The following CDH1 variants were observed in gnomAD, a reference collection of about 807,000 sequenced individuals.
The protein encoded by CDH1 is cadherin 1.
CDH1 carries 35 observed loss-of-function variants against 84.5 expected under a neutral mutation model. The observed-to-expected ratio is 0.41, with a 90% CI of 0.32 to 0.55. The LOEUF is 0.55. CDH1 is among the 20% of genes least tolerant of loss of function. The pLI is 0.19. For synonymous variants in CDH1, 417 were observed against 439.0 expected (o/e 0.95, Z 0.63); for missense variants, 994 against 1,126.6 (o/e 0.88, Z 1.68).
At chr16:68,742,170 A>G (rs1204141755) in intron 2 of CDH1, among the ~76,000 whole-genome samples, 2 of 152,178 alleles carry the variant, frequency 1.3e-5, no homozygotes, top group Admixed American at 6.5e-5. Flanking sequence ...TTGCTCTGCA[A>G]TCTGGCCTTG....
intron 3 of CDH1, among the ~76,000 whole-genome samples, chr16:68,803,385 CTT>C (rs1311954008): frequency 6.6e-6 from 1 of 152,122 alleles, no homozygotes; most frequent in Non-Finnish European, 1.5e-5. Flanking sequence ...GTGGAAGCCT[CTT>C]ATGATCCAGA....
intron 3 of CDH1, among the ~76,000 whole-genome samples, chr16:68,804,165 G>A (rs1413029795): frequency 1.6e-5 from 2 of 124,650 alleles, no homozygotes; most frequent in African/African-American, 5.9e-5. Context: ...CCAGGCTGGA[G>A]TGCAGTGGCG....
chr16:68,763,078 T>TA (rs1258481694), intron 2 of CDH1, among the ~76,000 whole-genome samples: 2 of 152,140 alleles, frequency 1.3e-5, no homozygotes, highest in South Asian at 4.1e-4. Context: ...TTGTAAAAAG[T>TA]AGCTTAATTT....
At chr16:68,758,644 C>T (rs1435039248) in intron 2 of CDH1, among the ~76,000 whole-genome samples, 1 of 130,838 alleles carries the variant, frequency 7.6e-6, no homozygotes, top group African/African-American at 3.0e-5. Flanking sequence ...CTGCTTTAGA[C>T]TTGTGTCAAG....
At chr16:68,798,030 GATTGCACC>G (rs1960409327) in intron 2 of CDH1, among the ~76,000 whole-genome samples, 1 of 151,814 alleles carries the variant, frequency 6.6e-6, no homozygotes, top group African/African-American at 2.4e-5. Context: ...AGTGAGCCCA[GATTGCACC>G]ATTGCACTCC....
At chr16:68,756,103 AT>A (rs1293594573) in intron 2 of CDH1, among the ~76,000 whole-genome samples, 2 of 147,252 alleles carry the variant, frequency 1.4e-5, no homozygotes, top group Non-Finnish European at 3.0e-5. Context: ...GAGGGATGAT[AT>A]TTTCTAAACA....
intron 2 of CDH1, among the ~76,000 whole-genome samples, chr16:68,768,163 C>T (rs1246135525): frequency 6.6e-6 from 1 of 152,128 alleles, no homozygotes; most frequent in Non-Finnish European, 1.5e-5. Context: ...TCAGGCTGGT[C>T]TCGAAGTCCT....
intron 15 of CDH1, among the ~76,000 whole-genome samples, 156 bp downstream of exon 15, chr16:68,829,953 C>CTTTT (rs67262350): frequency 2.9e-5 from 3 of 102,246 alleles, no homozygotes; most frequent in African/African-American, 1.0e-4. Flanking sequence ...CTTTTTTTTT[C>CTTTT]TTTTTCTTTT....
intron 2 of CDH1, among the ~76,000 whole-genome samples, chr16:68,743,927 G>C (rs1962657125): frequency 6.6e-6 from 1 of 152,198 alleles, no homozygotes; most frequent in Non-Finnish European, 1.5e-5. Context: ...CATTCATTTA[G>C]TTCACAAAAG....
intron 14 of CDH1, among the ~76,000 whole-genome samples, chr16:68,828,509 T>A (rs1961390997): frequency 6.6e-6 from 1 of 152,212 alleles, no homozygotes; most frequent in South Asian, 2.1e-4. Context: ...GATCGCATAC[T>A]GTTCTGCACC....
chr16:68,751,055 G>C (rs1278019498), intron 2 of CDH1, among the ~76,000 whole-genome samples: 1 of 152,076 alleles, frequency 6.6e-6, no homozygotes, highest in Non-Finnish European at 1.5e-5. Context: ...TGTCGCAGCA[G>C]CTTCCTTCCT....
intron 1 of CDH1, 138 bp from the exon 2 acceptor site, chr16:68,738,159 G>C (rs985695509): frequency 3.2e-6 from 2 of 619,320 alleles, no homozygotes; most frequent in East Asian, 6.2e-5. Flanking sequence ...GTCGCTGCCC[G>C]CCCGTCCCGG....
intron 2 of CDH1, among the ~76,000 whole-genome samples, chr16:68,751,005 T>C (rs1350217477): frequency 6.6e-6 from 1 of 152,158 alleles, no homozygotes; most frequent in East Asian, 1.9e-4. Context: ...GCTGTTTCTC[T>C]ATTCCCAAAA....
chr16:68,788,770 G>A (rs1160993722), intron 2 of CDH1, among the ~76,000 whole-genome samples: 4 of 152,046 alleles, frequency 2.6e-5, no homozygotes, highest in East Asian at 3.9e-4. Context: ...AGGCCGAGAC[G>A]GGTGGATCAC....
intron 10 of CDH1, among the ~76,000 whole-genome samples, chr16:68,818,849 C>CAAAA (rs758115524): frequency 9.4e-4 from 68 of 72,040 alleles, no homozygotes; most frequent in East Asian, 1.8e-3. Context: ...GACTCCGTCT[C>CAAAA]AAAAAAAAAA....
intron 10 of CDH1, among the ~76,000 whole-genome samples, chr16:68,818,263 A>G (rs994400823): frequency 6.6e-6 from 1 of 151,664 alleles, no homozygotes; most frequent in African/African-American, 2.4e-5. Flanking sequence ...AAGAAAAGAA[A>G]AAAAAAGAAA....
At chr16:68,770,156 G>C (rs1056188034) in intron 2 of CDH1, among the ~76,000 whole-genome samples, 4 of 151,988 alleles carry the variant, frequency 2.6e-5, no homozygotes, top group African/African-American at 9.7e-5. Flanking sequence ...AAGTTGGAAG[G>C]GCTTTTGGGG....
chr16:68,798,418 C>G (rs992262062), intron 2 of CDH1, among the ~76,000 whole-genome samples: 4 of 152,218 alleles, frequency 2.6e-5, no homozygotes, highest in Non-Finnish European at 4.4e-5. Context: ...ACCTTTCAAT[C>G]TTTCCTACAA....
intron 2 of CDH1, among the ~76,000 whole-genome samples, chr16:68,800,603 G>A (rs971213678): frequency 6.6e-6 from 1 of 152,162 alleles, no homozygotes; most frequent in African/African-American, 2.4e-5. Flanking sequence ...AAATTCCATC[G>A]GACAATTATT....
Sources: allele counts gnomAD v4.1 joint callset (sites outside exome capture counted in the v4.1 genomes callset), GRCh38; gene constraint gnomAD v4.1.1; transcripts MANE v1.5; gene names NCBI Gene and HGNC (gene_info 2026-07-23, HGNC 2026-07-21).